Variants in SGCZ observed in about 807,000 individuals in gnomAD.
SGCZ encodes the protein sarcoglycan zeta, also known as zeta-sarcoglycan.
Under a neutral mutation model 41.3 loss-of-function variants are expected in SGCZ, and 40 were observed. That is an observed-to-expected ratio of 0.97 (90% CI 0.75 to 1.26). The LOEUF is 1.26. SGCZ is among the 50% of genes most tolerant of loss of function. SGCZ has a pLI of 0.00. For missense variants in SGCZ, 552 were observed against 369.8 expected (o/e 1.49, Z -4.04); for synonymous variants, 206 against 137.5 (o/e 1.50, Z -3.49).
At chr8:14,500,546 CA>C (rs947078164) in intron 2 of SGCZ, among the ~76,000 whole-genome samples, 7 of 151,026 alleles carry the variant, frequency 4.6e-5, no homozygotes, top group Admixed American at 4.6e-4. Flanking sequence ...CAAGATACAG[CA>C]AAAAAAGTCA....
chr8:15,010,361 G>C (rs1478617180), intron 1 of SGCZ, among the ~76,000 whole-genome samples: 1 of 152,032 alleles, frequency 6.6e-6, no homozygotes, highest in Non-Finnish European at 1.5e-5. Context: ...ATCATTTATA[G>C]AAATCTCAAC....
Position 14,482,538 on chromosome 8 carries a change from G to A in SGCZ, c.234+72194C>T, listed in dbSNP as rs145958038. ...AACAACTTTGGAAGAGTCTTTTCTT[G>A]CTTGATTAAGACGGGTGTGGTGGTT... On this transcript the variant is annotated intron_variant, in intron 2 of 7. Transcript: ENST00000382080. Among the ~76,000 whole-genome samples, 1,171 of 152,200 alleles carry A rather than the reference G, an allele frequency of 7.7e-3. 12 individuals are homozygous for A. Among genetic ancestry groups the A allele is most frequent in the Middle Eastern group, 0.017 (5 of 294 alleles).
chr8:14,190,014 C>CTT lies in SGCZ; in HGVS notation c.425-25314_425-25313dup, dbSNP rs71304966. On this transcript the variant is annotated intron_variant, in intron 4 of 7. Coordinates refer to ENST00000382080, the MANE Select transcript of SGCZ (RefSeq NM_139167.4). ...GAATCTACTTTTTCTTTCTTTCTTTCTTTTTTTTTTTTTTTTGAGACGGAC... is the reference window on the plus strand; with the variant it reads ...GAATCTACTTTTTCTTTCTTTCTTTCTTTTTTTTTTTTTTTTTTGAGACGGAC... 9.0e-5 allele frequency among the ~76,000 whole-genome samples: 9 copies of CTT among 100,192 alleles called. 1 individual carries two copies. The highest frequency in any genetic ancestry group is 3.1e-4 in the South Asian group (1 of 3,204). 65.7% of individuals were successfully genotyped at this position (100,192 alleles called of 152,430 possible). A position where few individuals can be genotyped will look rare whatever the true frequency, so the allele number is the denominator to read the frequency against.
At chr8:15,153,529 T>C (rs1445620586) in intron 1 of SGCZ, among the ~76,000 whole-genome samples, 1 of 152,028 alleles carries the variant, frequency 6.6e-6, no homozygotes, top group Non-Finnish European at 1.5e-5. Context: ...CCCCCAATGA[T>C]GGAGGTGGGG....
At chr8:14,799,108 T>A (rs1801230617) in intron 1 of SGCZ, among the ~76,000 whole-genome samples, 1 of 152,058 alleles carries the variant, frequency 6.6e-6, no homozygotes, top group African/African-American at 2.4e-5. Context: ...TAACTGTACT[T>A]TCAGAAATTA....
chr8:14,676,236 C>A (rs1407096086), intron 1 of SGCZ, among the ~76,000 whole-genome samples: 1 of 152,142 alleles, frequency 6.6e-6, no homozygotes, highest in Non-Finnish European at 1.5e-5. Flanking sequence ...CTTTTGGAGG[C>A]CAATGCAGAA....
chr8:14,189,773 G>C (rs117708445), intron 4 of SGCZ, among the ~76,000 whole-genome samples: 1 of 151,826 alleles, frequency 6.6e-6, no homozygotes, highest in Non-Finnish European at 1.5e-5. Flanking sequence ...TATCACTTTT[G>C]TTTGCTTGGC....
chr8:15,070,872 G>A (rs991636398), intron 1 of SGCZ, among the ~76,000 whole-genome samples: 2 of 152,118 alleles, frequency 1.3e-5, no homozygotes, highest in African/African-American at 2.4e-5. Context: ...ACACTGAGGT[G>A]TTCATCTCGG....
intron 1 of SGCZ, among the ~76,000 whole-genome samples, chr8:14,933,856 T>C (rs1468114795): frequency 6.6e-6 from 1 of 152,070 alleles, no homozygotes; most frequent in Non-Finnish European, 1.5e-5. Flanking sequence ...AATTGTTAAA[T>C]ATTTTGATCA....
chr8:14,720,091 G>T (rs1190628650), intron 1 of SGCZ, among the ~76,000 whole-genome samples: 1 of 151,882 alleles, frequency 6.6e-6, no homozygotes, highest in Non-Finnish European at 1.5e-5. Flanking sequence ...AGTTTTCCCA[G>T]CAAGTTCTTT....
At chr8:14,782,837 G>T (rs905315745) in intron 1 of SGCZ, among the ~76,000 whole-genome samples, 1 of 152,168 alleles carries the variant, frequency 6.6e-6, no homozygotes. Flanking sequence ...AGATCTCAGA[G>T]TTATGCCATT....
chr8:14,424,964 G>A (rs909643926), intron 2 of SGCZ, among the ~76,000 whole-genome samples: 5 of 152,070 alleles, frequency 3.3e-5, no homozygotes, highest in Non-Finnish European at 7.4e-5. Context: ...ATTTATCAGG[G>A]TAATTGAGAA....
intron 2 of SGCZ, among the ~76,000 whole-genome samples, chr8:14,551,510 T>C (rs1803831543): frequency 2.5e-4 from 2 of 8,108 alleles, no homozygotes; most frequent in African/African-American, 9.6e-4. Context: ...ATATATATTA[T>C]ATATATTATA....
At chr8:15,116,339 A>G (rs1419203046) in intron 1 of SGCZ, among the ~76,000 whole-genome samples, 1 of 152,256 alleles carries the variant, frequency 6.6e-6, no homozygotes, top group Non-Finnish European at 1.5e-5. Context: ...TTTCTGCCTT[A>G]AATCTTACGG....
In SGCZ at chr8:14,764,738, TA is replaced by T. The variant is rs1334121897; in HGVS notation, c.40-209813del. On this transcript the variant is annotated intron_variant, in intron 1 of 7. Transcript: ENST00000382080. ...GATCCTGGACCAAATCAAGAAGAAT[TA>T]AAAACAATTAGAAAAACTTAAATAT... Among the ~76,000 whole-genome samples the T allele has an allele frequency of 4.7e-4, 71 of 152,260 alleles. No homozygotes were observed. The Middle Eastern group carries it at 0.014, about 29-fold the overall frequency.
intron 2 of SGCZ, among the ~76,000 whole-genome samples, chr8:14,515,806 T>C (rs1441232416): frequency 2.0e-5 from 3 of 152,114 alleles, no homozygotes; most frequent in African/African-American, 4.8e-5. Flanking sequence ...GCCTACATCA[T>C]TTATTGCATA....
intron 5 of SGCZ, among the ~76,000 whole-genome samples, chr8:14,111,548 T>C (rs1425539643): frequency 6.6e-6 from 1 of 152,208 alleles, no homozygotes; most frequent in African/African-American, 2.4e-5. Context: ...TTTTCATTGC[T>C]ATTTTAAGGG....
At chr8:14,297,812 C>T (rs1428131643) in intron 3 of SGCZ, among the ~76,000 whole-genome samples, 2 of 151,784 alleles carry the variant, frequency 1.3e-5, no homozygotes, top group African/African-American at 4.8e-5. Flanking sequence ...AAGCACAAGT[C>T]GCTTTGTTGG....
Position 15,237,842 on chromosome 8 carries a change from T to G in SGCZ, c.-219A>C. 1.8e-6 allele frequency: 1 copy of G among 543,926 alleles called. No individual in the cohort carries two copies. Among genetic ancestry groups the G allele is most frequent in the Non-Finnish European group, 3.3e-6 (1 of 304,068 alleles). 33.7% of individuals were successfully genotyped at this position (543,926 alleles called of 1,614,324 possible). Reference sequence around the variant, plus strand: ...CACTTTATTTTACTTCCTCAAAGATTTAGTGACAGGTGATCTCTACCGCGG... The same window carrying G: ...CACTTTATTTTACTTCCTCAAAGATGTAGTGACAGGTGATCTCTACCGCGG... On this transcript the variant is annotated 5_prime_UTR_variant, in exon 1 of 8. Transcript: ENST00000382080.
Sources: allele counts gnomAD v4.1 joint callset (sites outside exome capture counted in the v4.1 genomes callset), GRCh38; gene constraint gnomAD v4.1.1; transcripts MANE v1.5; gene names NCBI Gene and HGNC (gene_info 2026-07-23, HGNC 2026-07-21).